Variants in TNIK observed in about 807,000 individuals in gnomAD.
TNIK encodes the protein TRAF2 and NCK interacting kinase.
In TNIK, 49 loss-of-function variants were observed where a neutral mutation model predicts 191.3. The ratio of observed to expected loss-of-function variants is 0.26; its 90% CI spans 0.20 to 0.32. The LOEUF (loss-of-function observed/expected upper bound fraction) is 0.32. Ranked by LOEUF, TNIK falls within the 10% of genes least tolerant of loss-of-function variation. TNIK has a pLI of 1.00. For synonymous variants in TNIK, 594 were observed against 600.9 expected, an observed-to-expected ratio of 0.99 and a Z score of 0.17; for missense variants, 1,155 against 1,702.3, an observed-to-expected ratio of 0.68 and a Z score of 5.66.
chr3:171,114,477 G>T (rs1726375989), intron 18 of TNIK, among the ~76,000 whole-genome samples: 3 of 152,072 alleles, frequency 2.0e-5, no homozygotes, highest in African/African-American at 7.2e-5. Context: ...TTTATAAGCA[G>T]CAATTAAACC....
chr3:171,217,343 G>A (rs973536767), intron 3 of TNIK, among the ~76,000 whole-genome samples: 1 of 152,114 alleles, frequency 6.6e-6, no homozygotes, highest in African/African-American at 2.4e-5. Context: ...TGGGTGCTAA[G>A]CATTGGGTAC....
At chr3:171,095,710 G>GA (rs1050235154) in intron 22 of TNIK, among the ~76,000 whole-genome samples, 2 of 152,224 alleles carry the variant, frequency 1.3e-5, no homozygotes, top group Non-Finnish European at 2.9e-5. Flanking sequence ...ACAGACAGGT[G>GA]AAAAAATGAC....
chr3:171,383,282 T>A (rs758689245), intron 1 of TNIK, among the ~76,000 whole-genome samples: 6 of 152,242 alleles, frequency 3.9e-5, no homozygotes, highest in Non-Finnish European at 7.3e-5. Flanking sequence ...ATGCTGGAGC[T>A]TGTGGTCTCT....
intron 2 of TNIK, among the ~76,000 whole-genome samples, chr3:171,257,582 C>T (rs1353468811): frequency 6.6e-6 from 1 of 152,190 alleles, no homozygotes; most frequent in Non-Finnish European, 1.5e-5. Flanking sequence ...GAATGGAAAA[C>T]AACATTCTAA....
chr3:171,198,268 A>G (rs1738965372), intron 4 of TNIK, among the ~76,000 whole-genome samples: 1 of 152,044 alleles, frequency 6.6e-6, no homozygotes, highest in Non-Finnish European at 1.5e-5. Flanking sequence ...GTCTCAAAAA[A>G]AAAAAAAGAG....
At chr3:171,259,660 A>C (rs1388314707) in intron 2 of TNIK, among the ~76,000 whole-genome samples, 2 of 152,360 alleles carry the variant, frequency 1.3e-5, no homozygotes, top group Middle Eastern at 3.4e-3. Flanking sequence ...CCAACGGTAA[A>C]GAATTAATAG....
chr3:171,367,698 G>C (rs957632463), intron 2 of TNIK, among the ~76,000 whole-genome samples: 2 of 152,092 alleles, frequency 1.3e-5, no homozygotes, highest in East Asian at 3.9e-4. Flanking sequence ...CTTGAAATCT[G>C]AGCTCAAATG....
chr3:171,376,474 G>A (rs1035793611), intron 1 of TNIK, among the ~76,000 whole-genome samples: 1 of 152,120 alleles, frequency 6.6e-6, no homozygotes, highest in African/African-American at 2.4e-5. Context: ...ACTGTCCAAG[G>A]TAGAGGCAGT....
At position 171,191,229 on chromosome 3, in the gene TNIK, A is replaced by G. The variant is rs75033957; in HGVS notation, c.418-442T>C. Among the ~76,000 whole-genome samples, 645 of 152,332 alleles carry G rather than the reference A, an allele frequency of 4.2e-3. 2 individuals carry two copies. Among genetic ancestry groups the G allele is most frequent in the Non-Finnish European group, 6.9e-3 (472 of 68,030 alleles). On this transcript the variant is annotated intron_variant, in intron 5 of 32. Coordinates refer to ENST00000436636, the MANE Select transcript of TNIK (RefSeq NM_015028.4). The stretch of plus-strand genomic sequence containing the variant: ...TTTGAATTTAAAAGTTAAAATTTAC[A>G]TTCTGTTATCCAATTTCATTGAATG...
intron 1 of TNIK, among the ~76,000 whole-genome samples, chr3:171,398,254 A>T (rs1243053812): frequency 2.6e-5 from 4 of 152,204 alleles, no homozygotes; most frequent in Non-Finnish European, 5.9e-5. Flanking sequence ...CACAACTGCA[A>T]GTTTCCACTG....
chr3:171,342,009 G>A (rs74511707), intron 2 of TNIK, among the ~76,000 whole-genome samples: 3,267 of 152,274 alleles, frequency 0.021, 61 homozygotes, highest in Non-Finnish European at 0.031. Context: ...AACCATCTTG[G>A]TTTAAAGTAA....
At position 171,085,080 on chromosome 3, in the gene TNIK, C is replaced by A. The variant is rs140220573; in HGVS notation, c.2998+38G>T. The A allele has an allele frequency of 3.9e-6, 6 of 1,528,998 alleles. No individual in the cohort carries two copies. In the African/African-American group the frequency reaches 5.5e-5, roughly 14 times the overall value. 94.7% of individuals were successfully genotyped at this position (1,528,998 alleles called of 1,614,324 possible). ...TATCAGGTCATACCAGAAAGGAAGA[C>A]GAAGCTGTTTTTTAAACACAGGGCC... On this transcript the variant is annotated intron_variant, in intron 25 of 32. Coordinates refer to ENST00000436636, the MANE Select transcript of TNIK (RefSeq NM_015028.4).
Position 171,445,606 on chromosome 3 carries a change from C to T in TNIK, c.57+14401G>A, listed in dbSNP as rs117065789. On this transcript the variant is annotated intron_variant, in intron 1 of 32. Coordinates refer to ENST00000436636, the MANE Select transcript of TNIK (RefSeq NM_015028.4). ...CAACTGCAGAACTCTCTACTACCTA[C>T]TGAGTAAGCCGCACAGGTCCTTGCT... 1.1e-4 allele frequency among the ~76,000 whole-genome samples: 16 copies of T among 152,264 alleles called. No individual in the cohort carries two copies. The East Asian group carries it at 3.1e-3, about 29-fold the overall frequency.
At chr3:171,358,580 A>G (rs1219893052) in intron 2 of TNIK, among the ~76,000 whole-genome samples, 2 of 152,206 alleles carry the variant, frequency 1.3e-5, no homozygotes, top group Non-Finnish European at 1.5e-5. Context: ...ATCAGAAAAC[A>G]TACACAATAT....
rs1230905057 is a variant in TNIK at position 171,157,453 on chromosome 3, T to G, written c.1221+7A>C. 3.2e-6 allele frequency: 5 copies of G among 1,556,920 alleles called. No homozygotes were observed. The highest frequency in any genetic ancestry group is 4.3e-6 in the Non-Finnish European group (5 of 1,150,932). On this transcript the variant is annotated splice_region_variant and intron_variant, in intron 12 of 32. Coordinates refer to ENST00000436636, the MANE Select transcript of TNIK (RefSeq NM_015028.4). ...TGGGGTCAGAGGTGGCCCGAGCAGG[T>G]CCTCACCTCCTCCAGCCGCCGCCTC...
At chr3:171,299,085 G>A (rs76391814) in intron 2 of TNIK, among the ~76,000 whole-genome samples, 13,121 of 152,134 alleles carry the variant, frequency 0.086, 674 homozygotes, top group South Asian at 0.16. Context: ...CCTGTGAGGC[G>A]GTTTCTCATC....
chr3:171,119,383 C>T (rs1311981906), intron 18 of TNIK, among the ~76,000 whole-genome samples: 2 of 152,140 alleles, frequency 1.3e-5, no homozygotes, highest in Admixed American at 1.3e-4. Context: ...GACAGTGTGG[C>T]GATTCCTCAG....
chr3:171,353,680 T>C (rs1206529458), intron 2 of TNIK, among the ~76,000 whole-genome samples: 1 of 152,014 alleles, frequency 6.6e-6, no homozygotes, highest in African/African-American at 2.4e-5. Context: ...CTATCAAGAG[T>C]TCTGAACTCA....
chr3:171,440,441 C>T (rs967309372), intron 1 of TNIK, among the ~76,000 whole-genome samples: 4 of 152,276 alleles, frequency 2.6e-5, no homozygotes, highest in Admixed American at 6.5e-5. Flanking sequence ...GAGCTCTGAT[C>T]ATTTGAGAAA....
Sources: gnomAD v4.1 joint callset for allele counts (sites outside exome capture counted in the v4.1 genomes callset) on GRCh38, gnomAD v4.1.1 for gene constraint, MANE v1.5 for transcripts, NCBI Gene and HGNC (gene_info 2026-07-23, HGNC 2026-07-21) for gene names.